SLC24A2: variants seen among roughly 807,000 people sequenced by gnomAD.
SLC24A2 encodes solute carrier family 24 member 2.
A neutral mutation model predicts 62.0 loss-of-function variants in SLC24A2; 36 were observed. That is an observed-to-expected ratio of 0.58 (90% CI 0.44 to 0.77). The LOEUF (loss-of-function observed/expected upper bound fraction) is 0.77, where lower values mean the gene tolerates loss of function less well. SLC24A2 is among the 30% of genes least tolerant of loss of function. SLC24A2 has a pLI of 0.00. For missense variants in SLC24A2, 846 were observed against 817.9 expected, an observed-to-expected ratio of 1.03 and a Z score of -0.42; for synonymous variants, 358 against 294.0, an observed-to-expected ratio of 1.22 and a Z score of -2.23.
chr9:19,575,754 C>T (rs1203808729), intron 6 of SLC24A2, among the ~76,000 whole-genome samples: 2 of 152,084 alleles, frequency 1.3e-5, no homozygotes, highest in Non-Finnish European at 2.9e-5. Context: ...CGACTGAGCC[C>T]AGGAATCTAA....
intron 2 of SLC24A2, among the ~76,000 whole-genome samples, chr9:19,708,986 A>G (rs1820624790): frequency 6.6e-6 from 1 of 152,172 alleles, no homozygotes; most frequent in Non-Finnish European, 1.5e-5. Flanking sequence ...AAATGGGAGA[A>G]AATTTTCGCA....
At chr9:19,642,986 C>CTTTTTT (rs71335441) in intron 2 of SLC24A2, among the ~76,000 whole-genome samples, 1 of 125,328 alleles carries the variant, frequency 8.0e-6, no homozygotes, top group African/African-American at 3.0e-5. Context: ...GGCCAGTATT[C>CTTTTTT]TTTTTTTTTT....
intron 2 of SLC24A2, among the ~76,000 whole-genome samples, chr9:19,724,508 CT>C (rs1821115629): frequency 6.6e-6 from 1 of 152,230 alleles, no homozygotes; most frequent in South Asian, 2.1e-4. Flanking sequence ...TGCCTTTTGC[CT>C]TTTTTGGAGT....
At chr9:19,766,065 C>G (rs141272971) in intron 2 of SLC24A2, among the ~76,000 whole-genome samples, 3 of 152,206 alleles carry the variant, frequency 2.0e-5, no homozygotes, top group Admixed American at 6.5e-5. Context: ...TCTCTGATAT[C>G]CTTTCTTCCA....
chr9:19,884,329 TA>T, the SLC24A2 span, among the ~76,000 whole-genome samples: 4 of 152,206 alleles, frequency 2.6e-5, no homozygotes, highest in Non-Finnish European at 5.9e-5. Flanking sequence ...TGCTAATCAA[TA>T]CTGCTGCTTG....
chr9:20,160,497 G>A, the SLC24A2 span, among the ~76,000 whole-genome samples: 5 of 151,254 alleles, frequency 3.3e-5, no homozygotes, highest in Admixed American at 2.6e-4. Flanking sequence ...TTCTTCTCAA[G>A]TACATATGCG....
intron 8 of SLC24A2, among the ~76,000 whole-genome samples, chr9:19,535,651 TTAGATGATTG>T (rs1833927389): frequency 6.6e-6 from 1 of 152,180 alleles, no homozygotes; most frequent in Non-Finnish European, 1.5e-5. Flanking sequence ...TTGTCAAAGA[TTAGATGATTG>T]TAGATGTGTG....
the SLC24A2 span, among the ~76,000 whole-genome samples, chr9:19,947,045 G>T: frequency 6.6e-6 from 1 of 152,178 alleles, no homozygotes; most frequent in African/African-American, 2.4e-5. Flanking sequence ...TGACAGCTTT[G>T]CAAATACTGT....
chr9:20,210,512 C>T, the SLC24A2 span, among the ~76,000 whole-genome samples: 4 of 151,722 alleles, frequency 2.6e-5, no homozygotes, highest in Non-Finnish European at 5.9e-5. Flanking sequence ...CTCGCTCTGT[C>T]GCCCAGGCTG....
the SLC24A2 span, among the ~76,000 whole-genome samples, chr9:20,161,618 A>G: frequency 6.6e-6 from 1 of 151,434 alleles, no homozygotes; most frequent in African/African-American, 2.4e-5. Context: ...TAAAAGACTT[A>G]TTACCTCCTT....
At chr9:20,028,601 C>T in the SLC24A2 span, among the ~76,000 whole-genome samples, 47 of 152,302 alleles carry the variant, frequency 3.1e-4, no homozygotes, top group Middle Eastern at 3.4e-3. Flanking sequence ...TCACTTCTTC[C>T]GCCTTCCATA....
chr9:19,836,455 C>T, the SLC24A2 span, among the ~76,000 whole-genome samples: 2,348 of 152,204 alleles, frequency 0.015, 64 homozygotes, highest in African/African-American at 0.053. Context: ...AACACCTCTA[C>T]GCAAATGAAC....
the SLC24A2 span, among the ~76,000 whole-genome samples, chr9:19,883,750 A>G: frequency 6.6e-6 from 1 of 152,090 alleles, no homozygotes; most frequent in Non-Finnish European, 1.5e-5. Context: ...TATTTTTAGT[A>G]GAGTCGGGGT....
chr9:19,553,503 C>A (rs762199099), intron 7 of SLC24A2, among the ~76,000 whole-genome samples: 4 of 152,164 alleles, frequency 2.6e-5, no homozygotes, highest in African/African-American at 4.8e-5. Context: ...TTGTGTAAAG[C>A]TTTAGGGCCT....
At chr9:19,612,185 T>C (rs1563997431) in intron 4 of SLC24A2, among the ~76,000 whole-genome samples, 1 of 152,172 alleles carries the variant, frequency 6.6e-6, no homozygotes, top group East Asian at 1.9e-4. Flanking sequence ...ACACTATTAT[T>C]ATCACTATTA....
the SLC24A2 span, among the ~76,000 whole-genome samples, chr9:20,298,777 G>C: frequency 2.6e-5 from 4 of 152,234 alleles, no homozygotes; most frequent in Non-Finnish European, 5.9e-5. Context: ...TTAGAAATGA[G>C]GATCTGAGGC....
At chr9:19,983,356 CAGCTGTGGCTGGGCACGGT>C in the SLC24A2 span, among the ~76,000 whole-genome samples, 1 of 152,106 alleles carries the variant, frequency 6.6e-6, no homozygotes. Context: ...AAAAAAAACT[CAGCTGTGGCTGGGCACGGT>C]GGCTCACACC....
the SLC24A2 span, among the ~76,000 whole-genome samples, chr9:20,084,493 TCCCTCTCCCAC>T: frequency 4.7e-3 from 663 of 142,336 alleles, 5 homozygotes; most frequent in Middle Eastern, 0.017. Flanking sequence ...CTTCCCTCCC[TCCCTCTCCCAC>T]CCCTCTCCCA....
chr9:20,153,943 G>A, the SLC24A2 span, among the ~76,000 whole-genome samples: 3 of 151,930 alleles, frequency 2.0e-5, no homozygotes, highest in Admixed American at 6.6e-5. Context: ...GATACTGTGT[G>A]ATGAGTAGGC....
Sources: allele counts gnomAD v4.1 joint callset (sites outside exome capture counted in the v4.1 genomes callset), GRCh38; gene constraint gnomAD v4.1.1; transcripts MANE v1.5; gene names NCBI Gene and HGNC (gene_info 2026-07-23, HGNC 2026-07-21).